The following RYR3 variants were observed in gnomAD, a reference collection of about 807,000 sequenced individuals.
The protein encoded by RYR3 is brain ryanodine receptor-calcium release channel.
In RYR3, 207 loss-of-function variants were observed where a neutral mutation model predicts 584.3. The observed-to-expected ratio is 0.35, with a 90% CI of 0.32 to 0.40. The LOEUF (loss-of-function observed/expected upper bound fraction) is 0.40, where lower values mean the gene tolerates loss of function less well. Among genes scored for constraint, RYR3 ranks in the 10% least tolerant of loss-of-function variants. The probability of loss-of-function intolerance (pLI) is 1.00; values close to 1 mark genes in which losing one functional copy is unlikely to be tolerated. For synonymous variants in RYR3, 2,416 were observed against 2,248.5 expected, an observed-to-expected ratio of 1.07 and a Z score of -2.11; for missense variants, 5,616 against 6,089.2, an observed-to-expected ratio of 0.92 and a Z score of 2.59.
chr15:33,715,952 A>G (rs2067460142), intron 43 of RYR3, among the ~76,000 whole-genome samples: 1 of 152,056 alleles, frequency 6.6e-6, no homozygotes, highest in African/African-American at 2.4e-5. Context: ...TCTCATCCCG[A>G]ATGTTGGAGG....
At chr15:33,837,596 G>T (rs1337743086) in intron 88 of RYR3, 35 bp from the exon 89 acceptor site, 2 of 1,516,870 alleles carry the variant, frequency 1.3e-6, no homozygotes, top group African/African-American at 1.4e-5. Flanking sequence ...GGGTTTATTT[G>T]TATATTTGTA....
chr15:33,427,581 A>C (rs1232338147), intron 1 of RYR3, among the ~76,000 whole-genome samples: 1 of 152,218 alleles, frequency 6.6e-6, no homozygotes, highest in Non-Finnish European at 1.5e-5. Context: ...TTGGGATGAC[A>C]ATCTTTTTTC....
At chr15:33,857,110 C>T (rs75210815) in intron 98 of RYR3, among the ~76,000 whole-genome samples, 2,225 of 152,294 alleles carry the variant, frequency 0.015, 68 homozygotes, top group African/African-American at 0.048. Context: ...ATTTTACTTA[C>T]GCCCAATCTA....
At chr15:33,449,739 C>T (rs1596192055) in intron 1 of RYR3, among the ~76,000 whole-genome samples, 1 of 152,208 alleles carries the variant, frequency 6.6e-6, no homozygotes, top group Non-Finnish European at 1.5e-5. Context: ...GTCAAGAGAA[C>T]AGAAGTTTTG....
chr15:33,485,337 A>AT (rs2050317905), intron 2 of RYR3, among the ~76,000 whole-genome samples: 1 of 152,240 alleles, frequency 6.6e-6, no homozygotes, highest in Admixed American at 6.5e-5. Flanking sequence ...CTGAAAGAGA[A>AT]TGATGGCAGG....
At position 33,401,370 on chromosome 15, in the gene RYR3, C is replaced by T. The variant is rs576735743; in HGVS notation, c.52-72049C>T. 7.9e-5 allele frequency among the ~76,000 whole-genome samples: 12 copies of T among 152,290 alleles called. No individual in the cohort carries two copies. In the South Asian group the frequency reaches 1.9e-3, roughly 24 times the overall value. ...TGGGTGGTAACCTTGTTGTCTCAGG[C>T]GTCTGATTTCACAAGTACACTGTAT... On this transcript the variant is annotated intron_variant, in intron 1 of 103. Coordinates refer to ENST00000634891, the MANE Select transcript of RYR3 (RefSeq NM_001036.6).
chr15:33,635,581 C>T, intron 25 of RYR3, 33 bp from the exon 26 acceptor site: 1 of 1,560,278 alleles, frequency 6.4e-7, no homozygotes, highest in Non-Finnish European at 8.8e-7. Context: ...CTTTCCCTTC[C>T]ACACCCTCTG....
chr15:33,520,467 G>C (rs1353441766), intron 3 of RYR3, among the ~76,000 whole-genome samples: 1 of 152,146 alleles, frequency 6.6e-6, no homozygotes, highest in Admixed American at 6.5e-5. Context: ...GGAGGAGTAT[G>C]GGTGGTTCAA....
chr15:33,731,589 C>T lies in RYR3; in HGVS notation c.7319C>T (p.Ser2440Phe). The change falls in exon 48 of 104, where the codon TCT becomes TTT. Residue 2440 changes from serine to phenylalanine, a missense_variant. By Grantham distance (155) the Ser-to-Phe change is radical. This residue lies in a region of RYR3 where 1,280 missense variants were observed against 1,426.2 expected (regional missense o/e 0.90). Coordinates refer to ENST00000634891, the MANE Select transcript of RYR3 (RefSeq NM_001036.6). Reference protein sequence around the residue: ...PLFAGTEHCTSLIDSTLQTIY... With the variant: ...PLFAGTEHCTFLIDSTLQTIY... The stretch of plus-strand genomic sequence containing the variant: ...TTTGCCGGAACAGAACACTGCACCT[C>T]TCTGATTGATTCCACACTGCAGACA... The T allele has an allele frequency of 2.5e-6, 4 of 1,613,852 alleles. No individual in the cohort carries two copies. Among genetic ancestry groups the T allele is most frequent in the South Asian group, 1.1e-5 (1 of 91,074 alleles).
At chr15:33,351,137 C>T (rs138346892) in intron 1 of RYR3, among the ~76,000 whole-genome samples, 2,110 of 152,206 alleles carry the variant, frequency 0.014, 54 homozygotes, top group African/African-American at 0.048. Flanking sequence ...AACACCTCTA[C>T]GCAAATAAAC....
At chr15:33,495,571 A>G (rs1596364668) in intron 2 of RYR3, among the ~76,000 whole-genome samples, 1 of 152,186 alleles carries the variant, frequency 6.6e-6, no homozygotes, top group African/African-American at 2.4e-5. Flanking sequence ...TTTAAAATGT[A>G]TATATGGATT....
intron 10 of RYR3, among the ~76,000 whole-genome samples, chr15:33,559,671 A>T (rs1416985407): frequency 1.3e-5 from 2 of 152,196 alleles, no homozygotes; most frequent in African/African-American, 2.4e-5. Context: ...CCTGGAATGT[A>T]TGAGCCAGCT....
At chr15:33,855,890 A>G (rs1341383814) in intron 98 of RYR3, 1 of 152,202 alleles carries the variant, frequency 6.6e-6, no homozygotes, top group Non-Finnish European at 1.5e-5. Context: ...ACAGATTCAA[A>G]CTGTTTAGCA....
chr15:33,809,610 CTCT>C (rs954550934), intron 70 of RYR3, among the ~76,000 whole-genome samples: 4 of 69,678 alleles, frequency 5.7e-5, no homozygotes, highest in Admixed American at 2.3e-4. Flanking sequence ...ATTCCTCTCT[CTCT>C]TTTTTTTTTT....
intron 100 of RYR3, among the ~76,000 whole-genome samples, chr15:33,860,392 TGG>T: frequency 6.6e-6 from 1 of 152,302 alleles, no homozygotes; most frequent in Admixed American, 6.5e-5. Context: ...CAGCACTGCA[TGG>T]TGTAGAAAGG....
At chr15:33,635,557 G>T in intron 25 of RYR3, 57 bp from the exon 26 acceptor site, 1 of 1,333,182 alleles carries the variant, frequency 7.5e-7, no homozygotes. Flanking sequence ...AATTATTGAA[G>T]GTCTACGTTC....
chr15:33,620,311 G>C (rs1032348838), intron 19 of RYR3, among the ~76,000 whole-genome samples: 3 of 152,006 alleles, frequency 2.0e-5, no homozygotes, highest in African/African-American at 7.2e-5. Flanking sequence ...AACCCTTATC[G>C]TTTGGCTTCC....
chr15:33,829,801 C>T (rs903853964), intron 85 of RYR3, among the ~76,000 whole-genome samples: 1 of 150,944 alleles, frequency 6.6e-6, no homozygotes, highest in African/African-American at 2.4e-5. Context: ...CAAATATCAA[C>T]ATTAACAGGA....
intron 27 of RYR3, among the ~76,000 whole-genome samples, chr15:33,636,805 C>T (rs2061524303): frequency 4.6e-5 from 7 of 152,234 alleles, no homozygotes; most frequent in Admixed American, 4.6e-4. Context: ...ATTCCCTCCC[C>T]TGTGTCTTGG....
Sources: allele counts gnomAD v4.1 joint callset (sites outside exome capture counted in the v4.1 genomes callset), GRCh38; gene constraint gnomAD v4.1.1; regional missense constraint gnomAD v4.1.1; transcripts MANE v1.5; gene names NCBI Gene and HGNC (gene_info 2026-07-23, HGNC 2026-07-21).